The following ZSCAN20 variants were observed in gnomAD, a reference collection of about 807,000 sequenced individuals.
ZSCAN20 encodes zinc finger and SCAN domain-containing protein 20.
A neutral mutation model predicts 97.1 loss-of-function variants in ZSCAN20; 39 were observed. The ratio of observed to expected loss-of-function variants is 0.40; its 90% CI spans 0.31 to 0.52. The LOEUF (loss-of-function observed/expected upper bound fraction) is 0.52, where lower values mean the gene tolerates loss of function less well. Ranked by LOEUF, ZSCAN20 falls within the 20% of genes least tolerant of loss-of-function variation. ZSCAN20 has a pLI of 0.49. For missense variants in ZSCAN20, 1,115 were observed against 1,290.4 expected, an observed-to-expected ratio of 0.86 and a Z score of 2.08; for synonymous variants, 456 against 467.3, an observed-to-expected ratio of 0.98 and a Z score of 0.31.
In ZSCAN20 at chr1:33,496,787, C is replaced by G. The variant is rs1652877992; in HGVS notation, c.*1311C>G. On this transcript the variant is annotated 3_prime_UTR_variant, in exon 8 of 8. Coordinates refer to ENST00000684572, the MANE Select transcript of ZSCAN20 (RefSeq NM_001377376.1). Reference sequence around the variant, plus strand: ...AGGGCCTTGACCACTGTTCTGTGTACCAGGTTCTTGGCACAATTTTACCCT... The same window carrying G: ...AGGGCCTTGACCACTGTTCTGTGTAGCAGGTTCTTGGCACAATTTTACCCT... 6.6e-6 allele frequency among the ~76,000 whole-genome samples: 1 copy of G among 152,084 alleles called. No homozygotes were observed. Among genetic ancestry groups the G allele is most frequent in the Non-Finnish European group, 1.5e-5 (1 of 68,022 alleles).
At position 33,498,806 on chromosome 1, in the gene ZSCAN20, C is replaced by G. The variant is rs1652961704; in HGVS notation, c.*3330C>G. 6.6e-6 allele frequency among the ~76,000 whole-genome samples: 1 copy of G among 152,182 alleles called. No individual in the cohort carries two copies. The highest frequency in any genetic ancestry group is 2.1e-4 in the South Asian group (1 of 4,826). ...TCTTCACCCTCCACCTCAAGAAGGG[C>G]ATTGGCTCCTCTGAAGGGACAAAAA... On this transcript the variant is annotated 3_prime_UTR_variant, in exon 8 of 8. Transcript: ENST00000684572.
At chr1:33,475,825 ATTT>A (rs10542814) in intron 1 of ZSCAN20, among the ~76,000 whole-genome samples, 277 of 141,590 alleles carry the variant, frequency 2.0e-3, no homozygotes, top group Non-Finnish European at 2.1e-3. Context: ...ACGCTTGGCT[ATTT>A]TTTTTTTTTT....
At chr1:33,477,452 G>T (rs1212744792) in intron 1 of ZSCAN20, among the ~76,000 whole-genome samples, 2 of 151,854 alleles carry the variant, frequency 1.3e-5, no homozygotes, top group African/African-American at 2.4e-5. Flanking sequence ...GACTTGTTGG[G>T]ATGACACAGA....
chr1:33,487,833 A>G (rs1652429024), intron 2 of ZSCAN20, among the ~76,000 whole-genome samples: 7 of 151,448 alleles, frequency 4.6e-5, no homozygotes, highest in Admixed American at 4.6e-4. Flanking sequence ...TTTATTTATT[A>G]TAGAGGTGAG....
In ZSCAN20 at chr1:33,491,239, C is replaced by T; in HGVS notation, c.981C>T (p.Gly327=). ...EDMKVSGVHW[G]YEETKTFLAI... ...TGAAGGTGTCAGGTGTTCACTGGGG[C>T]TATGAGGAGACCAAGACTTTCCTGG... Residue 327 remains glycine, a synonymous_variant, in exon 6 of 8, where the codon GGC becomes GGT. Transcript: ENST00000684572. The surrounding 1 kb of genome is among the most constrained non-coding windows in gnomAD (Gnocchi z 4.3). 6.2e-7 allele frequency: 1 copy of T among 1,614,142 alleles called. No individual in the cohort carries two copies. Among genetic ancestry groups the T allele is most frequent in the Non-Finnish European group, 8.5e-7 (1 of 1,180,040 alleles).
At chr1:33,486,697 A>G (rs1413986055) in intron 2 of ZSCAN20, among the ~76,000 whole-genome samples, 1 of 152,202 alleles carries the variant, frequency 6.6e-6, no homozygotes, top group African/African-American at 2.4e-5. Context: ...TGGGGTTGAG[A>G]GTAAAGATTG....
At chr1:33,490,675 ACACACAC>A (rs746971214) in intron 5 of ZSCAN20, among the ~76,000 whole-genome samples, 7 of 58,674 alleles carry the variant, frequency 1.2e-4, no homozygotes, top group Non-Finnish European at 2.3e-4. Flanking sequence ...ACACACACAC[ACACACAC>A]ACCACACACC....
intron 6 of ZSCAN20, chr1:33,492,774 C>CAAAAAAA (rs1239595476): frequency 3.1e-5 from 1 of 32,768 alleles, no homozygotes. Flanking sequence ...GACTCCGTCT[C>CAAAAAAA]AAAAAAAAAA....
chr1:33,499,006 T>A lies in ZSCAN20; in HGVS notation c.*3530T>A, dbSNP rs1652969634. On this transcript the variant is annotated 3_prime_UTR_variant, in exon 8 of 8. Coordinates refer to ENST00000684572, the MANE Select transcript of ZSCAN20 (RefSeq NM_001377376.1). ...GCTGCCTTGGCCTTATTGTCCACTG[T>A]AGCCTCCTCCCAGAAGCCGAGTAAA... Among the ~76,000 whole-genome samples the A allele has an allele frequency of 6.6e-6, 1 of 152,226 alleles. No homozygotes were observed. The highest frequency in any genetic ancestry group is 2.1e-4 in the South Asian group (1 of 4,830).
Position 33,494,311 on chromosome 1 carries a change from C to T in ZSCAN20, c.1967C>T (p.Ala656Val), listed in dbSNP as rs1196764310. 6.2e-7 allele frequency: 1 copy of T among 1,614,142 alleles called. No homozygotes were observed. The highest frequency in any genetic ancestry group is 8.5e-7 in the Non-Finnish European group (1 of 1,180,024). ...GCCTTATCAAAATGTCCTACAGAAG[C>T]TGTTTGCCAACCTCTTGACTGGGGA... ...PGALSKCPTE[A>V]VCQPLDWGED... The change falls in exon 8 of 8, where the codon GCT becomes GTT. Residue 656 changes from alanine to valine, a missense_variant. By Grantham distance (64) the Ala-to-Val change is moderately conservative. Around this residue, in one of 3 missense-constraint regions of ZSCAN20, gnomAD observed 554 missense variants for 584.9 expected, o/e 0.95. Coordinates refer to ENST00000684572, the MANE Select transcript of ZSCAN20 (RefSeq NM_001377376.1).
At chr1:33,487,609 T>G (rs1652421262) in intron 2 of ZSCAN20, among the ~76,000 whole-genome samples, 1 of 152,130 alleles carries the variant, frequency 6.6e-6, no homozygotes, top group Non-Finnish European at 1.5e-5. Context: ...ATTGTAAGAT[T>G]AACAACACGT....
chr1:33,478,318 A>T (rs962278729), intron 1 of ZSCAN20, among the ~76,000 whole-genome samples: 6 of 149,538 alleles, frequency 4.0e-5, no homozygotes, highest in African/African-American at 1.5e-4. Flanking sequence ...GGAGATGGAG[A>T]TGCCAAGTGG....
At chr1:33,473,565 T>C (rs1245835440) in intron 1 of ZSCAN20, among the ~76,000 whole-genome samples, 2 of 152,158 alleles carry the variant, frequency 1.3e-5, no homozygotes, top group African/African-American at 4.8e-5. Context: ...GTTTTCCTCG[T>C]TTCCTGGGTA....
chr1:33,475,541 A>C (rs973261132), intron 1 of ZSCAN20, among the ~76,000 whole-genome samples: 2 of 152,256 alleles, frequency 1.3e-5, no homozygotes, highest in Non-Finnish European at 2.9e-5. Context: ...GCACGAGGGA[A>C]TCAAGACCAA....
In ZSCAN20 at chr1:33,494,818, G is replaced by A; in HGVS notation, c.2474G>A (p.Ser825Asn). ...TTGGGAGGAAATCCTGACCAGTGTA[G>A]TGAGCCTGGGGGAAACTTTGCCCAA... The part of the protein sequence containing the change: ...IHLGGNPDQC[S>N]EPGGNFAQSP... The change falls in exon 8 of 8, where the codon AGT (serine) becomes AAT (asparagine). Residue 825 changes from serine (S) to asparagine (N), a missense_variant. This residue lies in a region of ZSCAN20 where 554 missense variants were observed against 584.9 expected (regional missense o/e 0.95). Coordinates refer to ENST00000684572, the MANE Select transcript of ZSCAN20 (RefSeq NM_001377376.1). The A allele has an allele frequency of 6.2e-7, 1 of 1,614,204 alleles. No individual in the cohort carries two copies. Among genetic ancestry groups the A allele is most frequent in the Non-Finnish European group, 8.5e-7 (1 of 1,180,048 alleles).
chr1:33,488,717 AG>A (rs1652470396), intron 3 of ZSCAN20, 66 bp downstream of exon 3: 2 of 1,531,060 alleles, frequency 1.3e-6, no homozygotes, highest in Admixed American at 4.2e-5. Flanking sequence ...GAGGTGAGGA[AG>A]GGTGCATGGG....
intron 2 of ZSCAN20, among the ~76,000 whole-genome samples, chr1:33,486,515 A>T (rs188948792): frequency 4.6e-5 from 7 of 152,306 alleles, no homozygotes; most frequent in Non-Finnish European, 8.8e-5. Context: ...TTTACTTGTT[A>T]CTGTAGAGTC....
chr1:33,491,616 A>C lies in ZSCAN20; in HGVS notation c.1358A>C (p.Asp453Ala). Residue 453 changes from aspartate to alanine, a missense_variant, in exon 6 of 8, where the codon GAC becomes GCC. Physicochemically the swap from Asp to Ala is moderately radical, Grantham distance 126. Around this residue, in one of 3 missense-constraint regions of ZSCAN20, gnomAD observed 508 missense variants for 611.2 expected, o/e 0.83. Transcript: ENST00000684572. This position sits in a 1 kb window ranked among gnomAD's most constrained non-coding sequence, Gnocchi z 4.3. Reference sequence around the variant, plus strand: ...TGGGATCCTGAAGAAATGGCAGAAGACTGTAACGGTGCTGGCCTGGTCAAT... The same window carrying C: ...TGGGATCCTGAAGAAATGGCAGAAGCCTGTAACGGTGCTGGCCTGGTCAAT... ...GGWDPEEMAE[D>A]CNGAGLVNVE... 6.2e-7 allele frequency: 1 copy of C among 1,614,122 alleles called. No homozygotes were observed. Among genetic ancestry groups the C allele is most frequent in the South Asian group, 1.1e-5 (1 of 91,074 alleles).
At chr1:33,475,199 G>T (rs1398355188) in intron 1 of ZSCAN20, among the ~76,000 whole-genome samples, 1 of 152,282 alleles carries the variant, frequency 6.6e-6, no homozygotes, top group East Asian at 1.9e-4. Flanking sequence ...AAGGGATCTC[G>T]GCTTAGACCC....
Sources: gnomAD v4.1 joint callset for allele counts (sites outside exome capture counted in the v4.1 genomes callset) on GRCh38, gnomAD v4.1.1 for gene constraint, gnomAD v4.1.1 regional missense constraint, Gnocchi (gnomAD v3.1) non-coding constraint, MANE v1.5 for transcripts, NCBI Gene and HGNC (gene_info 2026-07-23, HGNC 2026-07-21) for gene names.